The following KIF24 variants were observed in gnomAD, a reference collection of about 807,000 sequenced individuals.
KIF24 encodes the protein kinesin-like protein KIF24.
KIF24 carries 81 observed loss-of-function variants against 118.9 expected under a neutral mutation model. That is an observed-to-expected ratio of 0.68 (90% confidence interval 0.57 to 0.82). KIF24 has a LOEUF of 0.82. Ranked by LOEUF, KIF24 falls within the 40% of genes least tolerant of loss-of-function variation. KIF24 has a pLI of 0.00. For synonymous variants in KIF24, 599 were observed against 610.0 expected (o/e 0.98, Z 0.27); for missense variants, 1,560 against 1,661.6 (o/e 0.94, Z 1.06).
intron 1 of KIF24, among the ~76,000 whole-genome samples, chr9:34,328,154 A>G (rs1438264233): frequency 6.6e-6 from 1 of 152,208 alleles, no homozygotes; most frequent in African/African-American, 2.4e-5. Flanking sequence ...ACGCAATTCT[A>G]TCATAGACAC....
chr9:34,289,913 T>C (rs1453173304), intron 5 of KIF24, among the ~76,000 whole-genome samples: 1 of 152,214 alleles, frequency 6.6e-6, no homozygotes, highest in Non-Finnish European at 1.5e-5. Flanking sequence ...ACCTTCTTCA[T>C]AGACCAAAAT....
chr9:34,290,164 T>C lies in KIF24; in HGVS notation c.1127+10A>G, dbSNP rs1836198092. ...GAACAGATTTATCGCTTCCCACTCA[T>C]ATTCAGTACCTTTTTCTTCTATTTA... On this transcript the variant is annotated intron_variant, in intron 5 of 12. Transcript: ENST00000402558. The C allele has an allele frequency of 6.3e-7, 1 of 1,589,042 alleles. No individual in the cohort carries two copies.
intron 6 of KIF24, among the ~76,000 whole-genome samples, chr9:34,277,748 C>A (rs1350966675): frequency 6.6e-6 from 1 of 152,116 alleles, no homozygotes; most frequent in African/African-American, 2.4e-5. Flanking sequence ...TGTAGTCATG[C>A]CTTCCAGAAA....
In KIF24 at chr9:34,255,924, G is replaced by A; in HGVS notation, c.3683C>T (p.Thr1228Ile). ...ACCAAACTCCTGCCAACCAAGCCTT[G>A]TAGGATGTTTTCTCTCCTGGGCCCA... ...QLWAQERKHP[T>I]RLGWQEFGLS... The change falls in exon 11 of 13, where the codon ACA (threonine) becomes ATA (isoleucine). Residue 1228 changes from threonine to isoleucine, a missense_variant. Physicochemically the swap from Thr to Ile is moderately conservative, Grantham distance 89. This residue lies in a region of KIF24 where 591 missense variants were observed against 655.6 expected (regional missense o/e 0.90). Coordinates refer to ENST00000402558, the MANE Select transcript of KIF24 (RefSeq NM_194313.4). 6.2e-7 allele frequency: 1 copy of A among 1,614,018 alleles called. No homozygotes were observed. Among genetic ancestry groups the A allele is most frequent in the African/African-American group, 1.3e-5 (1 of 75,054 alleles).
In KIF24 at chr9:34,256,144, G is replaced by A; in HGVS notation, c.3463C>T (p.Gln1155Ter). The A allele has an allele frequency of 6.2e-7, 1 of 1,607,324 alleles. No individual in the cohort carries two copies. The highest frequency in any genetic ancestry group is 8.5e-7 in the Non-Finnish European group (1 of 1,174,840). ...SREADLGEAC[Q>*]SRETVLFSHE... ...GAGAAAAGTACAGTCTCTCTGCTCT[G>A]GCAGGCCTCTCCTAGGTCTGCCTCC... Residue 1155 changes from glutamine to a stop codon, truncating the protein, a stop_gained, in exon 11 of 13, where the codon CAG becomes TAG. Transcript: ENST00000402558. LOFTEE classifies it high-confidence loss of function.
intron 4 of KIF24, among the ~76,000 whole-genome samples, chr9:34,296,246 G>T (rs775189502): frequency 7.2e-6 from 1 of 139,776 alleles, no homozygotes; most frequent in Non-Finnish European, 1.5e-5. Flanking sequence ...CATCTATGAG[G>T]CCGGGCGTGG....
intron 8 of KIF24, among the ~76,000 whole-genome samples, chr9:34,268,802 C>T (rs761746492): frequency 5.9e-5 from 9 of 152,296 alleles, no homozygotes; most frequent in Non-Finnish European, 1.3e-4. Context: ...GCCACCGCTC[C>T]CAGCTGGATT....
chr9:34,278,681 T>C (rs1431439796), intron 6 of KIF24, among the ~76,000 whole-genome samples: 1 of 152,094 alleles, frequency 6.6e-6, no homozygotes, highest in African/African-American at 2.4e-5. Flanking sequence ...TTAAAACTAC[T>C]AAGCTCCCTT....
rs200436048 is a variant in KIF24, at chr9:34,273,185, C to CT, written c.1216-1256dup. On this transcript the variant is annotated intron_variant, in intron 6 of 12. Transcript: ENST00000402558. ...GGTAGCAGTGGACAATGTATTTTTTCTTTTTTTTTTCTAATAAAAAAACAG... is the reference window on the plus strand; with the variant it reads ...GGTAGCAGTGGACAATGTATTTTTTCTTTTTTTTTTTCTAATAAAAAAACAG... 7.3e-3 allele frequency among the ~76,000 whole-genome samples: 1,092 copies of CT among 148,890 alleles called. 27 individuals carry two copies. The East Asian group carries it at 0.11, about 15-fold the overall frequency.
Position 34,318,747 on chromosome 9 carries a change from T to A in KIF24, c.-25-7376A>T, listed in dbSNP as rs960297567. 1 of 1,510,438 alleles carries A rather than the reference T, an allele frequency of 6.6e-7. No homozygotes were observed. The highest frequency in any genetic ancestry group is 1.7e-4 in the Middle Eastern group (1 of 5,718). 93.6% of individuals were successfully genotyped at this position (1,510,438 alleles called of 1,614,324 possible). A position where few individuals can be genotyped will look rare whatever the true frequency, so the allele number is the denominator to read the frequency against. ...GTGCACGCCGGCGTGGGCGAGCCGC[T>A]GCGTTCACTCAGCAACTCCACCGCG... On this transcript the variant is annotated intron_variant, in intron 1 of 12. Transcript: ENST00000402558. The surrounding 1 kb of genome is among the most constrained non-coding windows in gnomAD (Gnocchi z 4.9).
rs753076210 is a variant in KIF24 at position 34,259,725 on chromosome 9, G to A, written c.1516-20C>T. ...CAGGACCTGTCCAAAACAGAAGGCA[G>A]GTCAATGAGTGAAGTCAATTAACAA... is the stretch of plus-strand genomic sequence containing the variant. On this transcript the variant is annotated intron_variant, in intron 9 of 12. Coordinates refer to ENST00000402558, the MANE Select transcript of KIF24 (RefSeq NM_194313.4). 1.3e-6 allele frequency: 2 copies of A among 1,531,310 alleles called. No individual in the cohort carries two copies. Among genetic ancestry groups the A allele is most frequent in the Non-Finnish European group, 1.8e-6 (2 of 1,104,808 alleles). The allele number at this position is 1,531,310 out of a possible 1,614,324, so 94.9% of individuals were successfully genotyped here.
chr9:34,259,556 G>T, intron 10 of KIF24, 40 bp downstream of exon 10: 1 of 1,459,574 alleles, frequency 6.9e-7, no homozygotes. Context: ...ACATGCACAT[G>T]CACACTTACA....
At chr9:34,286,759 C>T in intron 5 of KIF24, 55 bp from the exon 6 acceptor site, 2 of 1,195,588 alleles carry the variant, frequency 1.7e-6, no homozygotes, top group Admixed American at 3.4e-5. Flanking sequence ...AGACTTTGTT[C>T]TTGCCTCCCC....
At position 34,290,375 on chromosome 9, in the gene KIF24, C is replaced by T; in HGVS notation, c.926G>A (p.Cys309Tyr). The change falls in exon 5 of 13, where the codon TGC (cysteine) becomes TAC (tyrosine). Residue 309 changes from cysteine to tyrosine, a missense_variant. This residue lies in a region of KIF24 where 964 missense variants were observed against 988.0 expected (regional missense o/e 0.98). Transcript: ENST00000402558. ...QHIFNGGNAT[C>Y]FAYGQTGAGK... ...AGCACCTGTCTGTCCATAAGCAAAGCAAGTGGCATTGCCTCTGGGGAAAGG... is the reference window on the plus strand; with the variant it reads ...AGCACCTGTCTGTCCATAAGCAAAGTAAGTGGCATTGCCTCTGGGGAAAGG... The T allele has an allele frequency of 1.2e-6, 2 of 1,608,488 alleles. No individual in the cohort carries two copies. The highest frequency in any genetic ancestry group is 1.7e-6 in the Non-Finnish European group (2 of 1,175,356).
Position 34,286,677 on chromosome 9 carries a change from G to C in KIF24, c.1155C>G (p.His385Gln), listed in dbSNP as rs761748128. ...CTTGCAGTCCCACTATCTGCACCAT[G>C]TGCTTGCTATCTTCTCTTGCAAAGA... The part of the protein sequence containing the change: ...KRLFAREDSK[H>Q]MVQIVGLQEL... Residue 385 changes from histidine (H) to glutamine (Q), a missense_variant, in exon 6 of 13, where the codon CAC becomes CAG. Coordinates refer to ENST00000402558, the MANE Select transcript of KIF24 (RefSeq NM_194313.4). 1.2e-6 allele frequency: 2 copies of C among 1,613,352 alleles called. No individual in the cohort carries two copies. The highest frequency in any genetic ancestry group is 3.3e-5 in the Admixed American group (2 of 59,986).
In KIF24 at chr9:34,272,425, G is replaced by C. The variant is rs537927185; in HGVS notation, c.1216-495C>G. On this transcript the variant is annotated intron_variant, in intron 6 of 12. Transcript: ENST00000402558. Reference sequence around the variant, plus strand: ...GTTACTGTAATTACCATAAGCCCATGATTTCCCTTGAGACTAATCCTCACT... The same window carrying C: ...GTTACTGTAATTACCATAAGCCCATCATTTCCCTTGAGACTAATCCTCACT... 1.6e-4 allele frequency among the ~76,000 whole-genome samples: 25 copies of C among 152,294 alleles called. 1 individual carries two copies. The highest frequency in any genetic ancestry group is 6.8e-3 in the Middle Eastern group (2 of 294).
chr9:34,332,453 G>A (rs1401155934), upstream of KIF24, among the ~76,000 whole-genome samples: 1 of 152,156 alleles, frequency 6.6e-6, no homozygotes, highest in African/African-American at 2.4e-5. Context: ...TTGGTGCTTG[G>A]TAGTATTCAG....
In KIF24 at chr9:34,255,737, C is replaced by T. The variant is rs758074826; in HGVS notation, c.3870G>A (p.Ala1290=). 5.0e-6 allele frequency: 8 copies of T among 1,606,392 alleles called. No individual in the cohort carries two copies. The highest frequency in any genetic ancestry group is 2.2e-5 in the South Asian group (2 of 89,936). Residue 1290 remains alanine, a splice_region_variant and synonymous_variant, in exon 11 of 13, where the codon GCG becomes GCA. Transcript: ENST00000402558. The stretch of plus-strand genomic sequence containing the variant: ...CTTAGGGAAAGTGTCCAACTTACTG[C>T]GCTTGCTCCAGGGTGGGCTGACGGA... ...GTLRQPTLEQ[A]QQVVIRAHQE... is the part of the protein sequence containing the mutation.
chr9:34,257,326 C>T lies in KIF24; in HGVS notation c.2281G>A (p.Glu761Lys), dbSNP rs1211761955. 1.2e-6 allele frequency: 2 copies of T among 1,613,930 alleles called. No individual in the cohort carries two copies. The highest frequency in any genetic ancestry group is 1.7e-6 in the Non-Finnish European group (2 of 1,179,910). The stretch of plus-strand genomic sequence containing the variant: ...TGGTGATAGAAACGCAGATGTTCCT[C>T]CCTCTCCTTCTGATGTGGCGGGATG... Reference protein sequence around the residue: ...TNIPPHQKEREEHLRFYHQQF... With the variant: ...TNIPPHQKERKEHLRFYHQQF... Residue 761 changes from glutamate (E) to lysine (K), a missense_variant, in exon 11 of 13, where the codon GAG becomes AAG. By Grantham distance (56) the Glu-to-Lys change is moderately conservative. Around this residue, in one of 3 missense-constraint regions of KIF24, gnomAD observed 964 missense variants for 988.0 expected, o/e 0.98. Transcript: ENST00000402558.
Sources: gnomAD v4.1 joint callset for allele counts (sites outside exome capture counted in the v4.1 genomes callset) on GRCh38, gnomAD v4.1.1 for gene constraint, gnomAD v4.1.1 regional missense constraint, Gnocchi (gnomAD v3.1) non-coding constraint, MANE v1.5 for transcripts, NCBI Gene and HGNC (gene_info 2026-07-23, HGNC 2026-07-21) for gene names.